Variants in PSKH1 observed in about 807,000 individuals in gnomAD.
The protein encoded by PSKH1 is serine/threonine-protein kinase H1.
PSKH1 carries 12 observed loss-of-function variants against 26.7 expected under a neutral mutation model. That is an observed-to-expected ratio of 0.45 (90% CI 0.29 to 0.73). PSKH1 has a LOEUF of 0.73. Ranked by LOEUF, PSKH1 falls within the 30% of genes least tolerant of loss-of-function variation. PSKH1 has a pLI of 0.11. For missense variants in PSKH1, 431 were observed against 595.2 expected, an observed-to-expected ratio of 0.72 and a Z score of 2.87; for synonymous variants, 213 against 234.3, an observed-to-expected ratio of 0.91 and a Z score of 0.83.
At chr16:67,899,577 G>A (rs548624735) in intron 1 of PSKH1, among the ~76,000 whole-genome samples, 1 of 151,950 alleles carries the variant, frequency 6.6e-6, no homozygotes, top group Non-Finnish European at 1.5e-5. Flanking sequence ...CCTCGTGATC[G>A]GCCCGCCTTG....
intron 1 of PSKH1, among the ~76,000 whole-genome samples, chr16:67,907,759 G>A (rs896892900): frequency 3.3e-5 from 5 of 152,176 alleles, no homozygotes; most frequent in Non-Finnish European, 4.4e-5. Flanking sequence ...TGGGGACAGT[G>A]CATTAGCAAA....
At chr16:67,916,073 C>T (rs2058187140) in intron 2 of PSKH1, among the ~76,000 whole-genome samples, 1 of 152,196 alleles carries the variant, frequency 6.6e-6, no homozygotes, top group Non-Finnish European at 1.5e-5. Flanking sequence ...TGGTTGGGCC[C>T]TGACCCCACC....
At chr16:67,925,193 T>C (rs2058212657) in intron 2 of PSKH1, among the ~76,000 whole-genome samples, 1 of 151,440 alleles carries the variant, frequency 6.6e-6, no homozygotes, top group Non-Finnish European at 1.5e-5. Context: ...TACCTCAATA[T>C]GAATATTTTT....
At chr16:67,903,809 G>A (rs2058148200) in intron 1 of PSKH1, among the ~76,000 whole-genome samples, 2 of 147,098 alleles carry the variant, frequency 1.4e-5, no homozygotes, top group African/African-American at 5.0e-5. Context: ...GATAGCTCTC[G>A]ATTCCACTCC....
At chr16:67,921,444 A>G (rs1301255138) in intron 2 of PSKH1, among the ~76,000 whole-genome samples, 1 of 150,718 alleles carries the variant, frequency 6.6e-6, no homozygotes, top group Admixed American at 6.6e-5. Context: ...GCATGGTGGC[A>G]TGCACCTGTA....
rs55896642 is a variant in PSKH1 at position 67,908,782 on chromosome 16, G to A, written c.33G>A (p.Glu11=). Reference sequence around the variant, plus strand: ...GTGGGACAAGCAAGGTCCTTCCCGAGCCACCCAAGGATGTCCAGCTGGATC... The same window carrying A: ...GTGGGACAAGCAAGGTCCTTCCCGAACCACCCAAGGATGTCCAGCTGGATC... MGCGTSKVLP[E]PPKDVQLDLV... The change falls in exon 2 of 3, where the codon GAG becomes GAA. Residue 11 remains glutamate, a synonymous_variant. Coordinates refer to ENST00000291041, the MANE Select transcript of PSKH1 (RefSeq NM_006742.3). 2,149 of 1,600,644 alleles carry A rather than the reference G, an allele frequency of 1.3e-3. 31 individuals are homozygous for A. In the African/African-American group the frequency reaches 0.026, roughly 19 times the overall value.
At chr16:67,903,521 GC>G (rs1228181646) in intron 1 of PSKH1, among the ~76,000 whole-genome samples, 4 of 151,944 alleles carry the variant, frequency 2.6e-5, no homozygotes, top group Non-Finnish European at 4.4e-5. Context: ...AGGCTGGAGT[GC>G]AGTGGCACAG....
At chr16:67,908,398 T>G (rs953576134) in intron 1 of PSKH1, among the ~76,000 whole-genome samples, 1 of 152,128 alleles carries the variant, frequency 6.6e-6, no homozygotes, top group Non-Finnish European at 1.5e-5. Flanking sequence ...GCCTCCCGAG[T>G]AGGTGGGATT....
intron 2 of PSKH1, among the ~76,000 whole-genome samples, chr16:67,913,729 A>G (rs1015929922): frequency 3.9e-5 from 6 of 152,196 alleles, no homozygotes; most frequent in Non-Finnish European, 8.8e-5. Context: ...TGATGTTCAT[A>G]CACATCCCCT....
intron 1 of PSKH1, among the ~76,000 whole-genome samples, chr16:67,907,365 ATTC>A (rs1458535117): frequency 6.6e-6 from 1 of 151,480 alleles, no homozygotes; most frequent in African/African-American, 2.4e-5. Flanking sequence ...GGTTCAAGCA[ATTC>A]TTCTGCCTCA....
At chr16:67,901,572 A>G (rs897156401) in intron 1 of PSKH1, among the ~76,000 whole-genome samples, 13 of 151,148 alleles carry the variant, frequency 8.6e-5, no homozygotes, top group East Asian at 3.9e-4. Flanking sequence ...AGCTCAGGCA[A>G]TCCACCTGCC....
At chr16:67,897,075 A>AT (rs1380819295) in intron 1 of PSKH1, among the ~76,000 whole-genome samples, 1 of 152,190 alleles carries the variant, frequency 6.6e-6, no homozygotes, top group Non-Finnish European at 1.5e-5. Flanking sequence ...TATGATGTGA[A>AT]TGGGCTATAG....
Position 67,909,349 on chromosome 16 carries a change from G to A in PSKH1, c.600G>A (p.Gln200=), listed in dbSNP as rs758366628. The A allele has an allele frequency of 1.2e-6, 2 of 1,613,990 alleles. No individual in the cohort carries two copies. The highest frequency in any genetic ancestry group is 8.5e-7 in the Non-Finnish European group (1 of 1,180,032). ...AGCGTGACGCCACGCGGGTGCTGCA[G>A]ATGGTGCTGGATGGCGTCCGGTATC... is the stretch of plus-strand genomic sequence containing the variant. The part of the protein sequence containing the change: ...FTERDATRVL[Q]MVLDGVRYLH... Residue 200 remains glutamine (Q), a synonymous_variant, in exon 2 of 3, where the codon CAG becomes CAA. Transcript: ENST00000291041. The surrounding 1 kb of genome is among the most constrained non-coding windows in gnomAD (Gnocchi z 7.8).
chr16:67,912,524 A>G (rs1426546287), intron 2 of PSKH1, among the ~76,000 whole-genome samples: 1 of 152,204 alleles, frequency 6.6e-6, no homozygotes, highest in African/African-American at 2.4e-5. Flanking sequence ...GTTCTCAGAT[A>G]TGGATTGGCC....
chr16:67,922,400 T>C (rs1018552417), intron 2 of PSKH1, among the ~76,000 whole-genome samples: 2 of 152,094 alleles, frequency 1.3e-5, no homozygotes, highest in African/African-American at 2.4e-5. Flanking sequence ...CATCTTGAAA[T>C]AGAGCTGAGG....
chr16:67,914,733 C>T (rs1414596272), intron 2 of PSKH1, among the ~76,000 whole-genome samples: 3 of 152,182 alleles, frequency 2.0e-5, no homozygotes, highest in African/African-American at 4.8e-5. Flanking sequence ...GGATTACAGG[C>T]GTGAGCCACC....
At chr16:67,901,420 C>T (rs1008755784) in intron 1 of PSKH1, among the ~76,000 whole-genome samples, 1 of 151,776 alleles carries the variant, frequency 6.6e-6, no homozygotes, top group African/African-American at 2.4e-5. Context: ...CAACCTCCGC[C>T]TCCTGGGTTC....
In PSKH1 at chr16:67,908,938, C is replaced by T. The variant is rs748206068; in HGVS notation, c.189C>T (p.Pro63=). 11 of 1,613,662 alleles carry T rather than the reference C, an allele frequency of 6.8e-6. No homozygotes were observed. The highest frequency in any genetic ancestry group is 2.7e-5 in the African/African-American group (2 of 74,908). ...CAAGTCAGTATGCACACCCCTGCCC[C>T]GGTCCCCCGACTGCTGGCCACACGG... ...PAASQYAHPC[P]GPPTAGHTEP... Residue 63 remains proline (P), a synonymous_variant, in exon 2 of 3, where the codon CCC becomes CCT. Transcript: ENST00000291041.
intron 1 of PSKH1, among the ~76,000 whole-genome samples, chr16:67,897,131 G>A (rs116906584): frequency 0.03 from 4,514 of 152,288 alleles, 97 homozygotes; most frequent in Middle Eastern, 0.16. Context: ...GCTGAGAACA[G>A]CTGTCTCCAC....
Sources: allele counts gnomAD v4.1 joint callset (sites outside exome capture counted in the v4.1 genomes callset), GRCh38; gene constraint gnomAD v4.1.1; non-coding constraint Gnocchi (gnomAD v3.1); transcripts MANE v1.5; gene names NCBI Gene and HGNC (gene_info 2026-07-23, HGNC 2026-07-21).